SLC16A12: variants seen among roughly 807,000 people sequenced by gnomAD.
SLC16A12 encodes the protein monocarboxylate transporter 12.
A neutral mutation model predicts 42.4 loss-of-function variants in SLC16A12; 17 were observed. The observed-to-expected ratio is 0.40, with a 90% CI of 0.27 to 0.60. The LOEUF is 0.60. Among genes scored for constraint, SLC16A12 ranks in the 20% least tolerant of loss-of-function variants. SLC16A12 has a pLI of 0.42. For synonymous variants in SLC16A12, 224 were observed against 229.4 expected (o/e 0.98, Z 0.21); for missense variants, 544 against 623.0 (o/e 0.87, Z 1.35).
At chr10:89,516,472 C>T (rs1589721002) in intron 2 of SLC16A12, among the ~76,000 whole-genome samples, 2 of 152,310 alleles carry the variant, frequency 1.3e-5, no homozygotes, top group Admixed American at 1.3e-4. Flanking sequence ...TCTCTGTGAT[C>T]TTGTTTCCAC....
chr10:89,477,900 T>C (rs72816722), intron 2 of SLC16A12, among the ~76,000 whole-genome samples: 9,532 of 83,236 alleles, frequency 0.11, 426 homozygotes, highest in East Asian at 0.23. Flanking sequence ...GAAGTCCCTC[T>C]GTTTATTAAG....
chr10:89,448,893 A>G (rs1001800425), intron 3 of SLC16A12, among the ~76,000 whole-genome samples: 3 of 152,254 alleles, frequency 2.0e-5, no homozygotes, highest in African/African-American at 7.2e-5. Flanking sequence ...TAAGCTGATA[A>G]GCAACTTCAG....
intron 2 of SLC16A12, among the ~76,000 whole-genome samples, chr10:89,491,948 G>C (rs1291476767): frequency 6.6e-6 from 1 of 151,946 alleles, no homozygotes; most frequent in Non-Finnish European, 1.5e-5. Flanking sequence ...ATATAGACAG[G>C]AGCTATAAAA....
At chr10:89,555,281 A>G (rs1318305718) in intron 2 of SLC16A12, among the ~76,000 whole-genome samples, 1 of 151,588 alleles carries the variant, frequency 6.6e-6, no homozygotes, top group Non-Finnish European at 1.5e-5. Context: ...AGTAGCAGGC[A>G]CTACAGGCAC....
intron 2 of SLC16A12, among the ~76,000 whole-genome samples, chr10:89,486,606 AGAAAGAAAGAAAG>A (rs374080159): frequency 6.7e-5 from 3 of 44,834 alleles, no homozygotes; most frequent in South Asian, 7.6e-4. Flanking sequence ...AAAAAAAAAA[AGAAAGAAAGAAAG>A]AAAGAAAGAA....
At chr10:89,522,525 C>G (rs1039329667) in intron 2 of SLC16A12, among the ~76,000 whole-genome samples, 1 of 152,212 alleles carries the variant, frequency 6.6e-6, no homozygotes, top group African/African-American at 2.4e-5. Flanking sequence ...GGAAATCTCT[C>G]AATCCTGGAG....
chr10:89,454,121 C>T (rs1447327801), intron 3 of SLC16A12, among the ~76,000 whole-genome samples: 1 of 151,864 alleles, frequency 6.6e-6, no homozygotes, highest in Non-Finnish European at 1.5e-5. Context: ...CGGGCTCAAG[C>T]GATTCGCCTA....
At chr10:89,538,656 C>T (rs925604492), upstream of SLC16A12, among the ~76,000 whole-genome samples, 3 of 152,100 alleles carry the variant, frequency 2.0e-5, no homozygotes, top group African/African-American at 2.4e-5. Flanking sequence ...AAACCTACAT[C>T]GAGGCTTTGT....
rs998764923 is a variant in SLC16A12, at chr10:89,433,008, A to G, written c.*56T>C. ...AATAAAAAGTTTCAGAAACATGAAG[A>G]ATCTGGTGGCCCCACCTCTCTCAAA... On this transcript the variant is annotated 3_prime_UTR_variant, in exon 8 of 8. Transcript: ENST00000371790. 4.4e-6 allele frequency: 7 copies of G among 1,598,972 alleles called. No individual in the cohort carries two copies. The highest frequency in any genetic ancestry group is 8.5e-7 in the Non-Finnish European group (1 of 1,176,476).
intron 2 of SLC16A12, among the ~76,000 whole-genome samples, chr10:89,500,429 A>G (rs1589709379): frequency 1.3e-5 from 2 of 152,336 alleles, no homozygotes; most frequent in South Asian, 4.1e-4. Context: ...ACATATCAAA[A>G]AGATAATCCA....
intron 2 of SLC16A12, among the ~76,000 whole-genome samples, chr10:89,505,214 A>G (rs972096526): frequency 3.4e-4 from 52 of 152,274 alleles, no homozygotes; most frequent in African/African-American, 1.2e-3. Context: ...TAGGAGATTG[A>G]GACCATCCTG....
intron 2 of SLC16A12, among the ~76,000 whole-genome samples, chr10:89,501,830 C>A (rs1842994493): frequency 1.3e-5 from 2 of 152,164 alleles, no homozygotes; most frequent in Non-Finnish European, 2.9e-5. Flanking sequence ...GTCTCATTTG[C>A]TCATTTGTTT....
At chr10:89,501,166 A>C (rs753219939) in intron 2 of SLC16A12, among the ~76,000 whole-genome samples, 16 of 152,218 alleles carry the variant, frequency 1.1e-4, no homozygotes, top group Non-Finnish European at 1.6e-4. Context: ...GACACAAAGA[A>C]ATGGAAACAC....
intron 7 of SLC16A12, among the ~76,000 whole-genome samples, chr10:89,435,722 TC>T (rs1013884638): frequency 2.6e-5 from 4 of 152,142 alleles, no homozygotes; most frequent in African/African-American, 9.7e-5. Context: ...AATCCTGTTC[TC>T]CCCTGAGACT....
In SLC16A12 at chr10:89,523,309, T is replaced by C. The variant is rs749909183; in HGVS notation, c.-47+11192A>G. ...TTCACAAACCCACCCTCTAAGGTCC[T>C]GTCTATACTGACAATCTCCTTGCTT... is the stretch of plus-strand genomic sequence containing the variant. On this transcript the variant is annotated intron_variant, in intron 2 of 7. Coordinates refer to ENST00000371790, the MANE Select transcript of SLC16A12 (RefSeq NM_213606.4). Among the ~76,000 whole-genome samples the C allele has an allele frequency of 4.7e-4, 72 of 152,208 alleles. 1 individual carries two copies. The highest frequency in any genetic ancestry group is 1.0e-3 in the Non-Finnish European group (69 of 68,032).
At chr10:89,527,277 GTT>G (rs1360011172) in intron 2 of SLC16A12, among the ~76,000 whole-genome samples, 2 of 152,018 alleles carry the variant, frequency 1.3e-5, no homozygotes, top group Non-Finnish European at 2.9e-5. Context: ...GAGGTCAGAA[GTT>G]TGAGACCAGC....
intron 2 of SLC16A12, among the ~76,000 whole-genome samples, chr10:89,491,949 A>G (rs2133807758): frequency 6.6e-6 from 1 of 152,344 alleles, no homozygotes; most frequent in South Asian, 2.1e-4. Flanking sequence ...TATAGACAGG[A>G]GCTATAAAAA....
rs532901437 is a variant in SLC16A12, at chr10:89,432,544, C to T, written c.*520G>A. Reference sequence around the variant, plus strand: ...AGAATCTCAAGTATTCTTTAACAATCCCAAGTAAAACCCTAATGAGAAACT... The same window carrying T: ...AGAATCTCAAGTATTCTTTAACAATTCCAAGTAAAACCCTAATGAGAAACT... On this transcript the variant is annotated 3_prime_UTR_variant, in exon 8 of 8. Transcript: ENST00000371790. 1 of 152,862 alleles carries T rather than the reference C, an allele frequency of 6.5e-6. No homozygotes were observed. Among genetic ancestry groups the T allele is most frequent in the South Asian group, 2.1e-4 (1 of 4,854 alleles). The allele number at this position is 152,862 out of a possible 1,614,324, so 9.5% of individuals were successfully genotyped here. A position where few individuals can be genotyped will look rare whatever the true frequency, so the allele number is the denominator to read the frequency against.
Position 89,531,564 on chromosome 10 carries a change from T to C in SLC16A12, c.-47+2937A>G, listed in dbSNP as rs1475018258. 3.3e-5 allele frequency among the ~76,000 whole-genome samples: 5 copies of C among 152,278 alleles called. No homozygotes were observed. In the East Asian group the frequency reaches 7.7e-4, roughly 23 times the overall value. ...CTCTGTGTCTGAGCAACCACCAGGA[T>C]GTGGTTCAGAGGAGGAGAGCATTGG... On this transcript the variant is annotated intron_variant, in intron 2 of 7. Coordinates refer to ENST00000371790, the MANE Select transcript of SLC16A12 (RefSeq NM_213606.4).
Sources: allele counts gnomAD v4.1 joint callset (sites outside exome capture counted in the v4.1 genomes callset), GRCh38; gene constraint gnomAD v4.1.1; transcripts MANE v1.5; gene names NCBI Gene and HGNC (gene_info 2026-07-23, HGNC 2026-07-21).